NTM: variants seen among roughly 807,000 people sequenced by gnomAD.
NTM encodes IgLON family member 2.
In NTM, 13 loss-of-function variants were observed where a neutral mutation model predicts 42.1. The ratio of observed to expected loss-of-function variants is 0.31; its 90% CI spans 0.20 to 0.49. The LOEUF (loss-of-function observed/expected upper bound fraction) is 0.49. NTM is among the 20% of genes least tolerant of loss of function. The pLI is 0.99. For synonymous variants in NTM, 187 were observed against 179.2 expected (o/e 1.04, Z -0.35); for missense variants, 373 against 452.8 (o/e 0.82, Z 1.60).
At chr11:131,716,469 A>G (rs182780595) in intron 1 of NTM, among the ~76,000 whole-genome samples, 1 of 152,210 alleles carries the variant, frequency 6.6e-6, no homozygotes, top group East Asian at 1.9e-4. Flanking sequence ...TGGTTGTACC[A>G]TTTTTCATTC....
intron 1 of NTM, among the ~76,000 whole-genome samples, chr11:131,583,666 T>G (rs1592122044): frequency 6.6e-6 from 1 of 152,164 alleles, no homozygotes; most frequent in Admixed American, 6.5e-5. Context: ...ACACAGATGG[T>G]GACTCAAAGG....
intron 2 of NTM, among the ~76,000 whole-genome samples, chr11:131,931,730 G>T (rs905225347): frequency 1.3e-5 from 2 of 152,160 alleles, no homozygotes; most frequent in Non-Finnish European, 2.9e-5. Context: ...GGTCTAGAAG[G>T]CCACCTTGTA....
intron 1 of NTM, among the ~76,000 whole-genome samples, chr11:131,829,154 A>ATT (rs201977271): frequency 1.3e-5 from 2 of 151,794 alleles, no homozygotes; most frequent in African/African-American, 4.8e-5. Context: ...CAGAGAAAAC[A>ATT]TTTTTTCTGT....
At chr11:131,495,867 T>C (rs1955288806) in intron 1 of NTM, among the ~76,000 whole-genome samples, 1 of 152,204 alleles carries the variant, frequency 6.6e-6, no homozygotes, top group Non-Finnish European at 1.5e-5. Flanking sequence ...TACATTTGAC[T>C]TCATTGGTGG....
At chr11:131,723,368 G>C (rs75376890) in intron 1 of NTM, among the ~76,000 whole-genome samples, 231 of 152,374 alleles carry the variant, frequency 1.5e-3, no homozygotes, top group African/African-American at 5.3e-3. Context: ...CTCAAGCGAT[G>C]TAGATTACGC....
At chr11:132,167,721 G>T (rs963381978) in intron 3 of NTM, among the ~76,000 whole-genome samples, 1 of 152,166 alleles carries the variant, frequency 6.6e-6, no homozygotes, top group Non-Finnish European at 1.5e-5. Context: ...GTCATTCATA[G>T]TTCCAATGAC....
intron 1 of NTM, among the ~76,000 whole-genome samples, chr11:131,814,289 CT>C (rs1185700306): frequency 3.9e-5 from 6 of 152,160 alleles, no homozygotes; most frequent in African/African-American, 1.4e-4. Flanking sequence ...TGAAAACTTC[CT>C]GAATGCCTAG....
At chr11:132,149,683 G>A (rs1290795520) in intron 3 of NTM, among the ~76,000 whole-genome samples, 13 of 152,072 alleles carry the variant, frequency 8.5e-5, no homozygotes, top group East Asian at 1.9e-4. Flanking sequence ...GCAGACAGCC[G>A]TGAGGCCAAG....
At chr11:132,325,933 C>A (rs956207551) in intron 7 of NTM, among the ~76,000 whole-genome samples, 1 of 151,686 alleles carries the variant, frequency 6.6e-6, no homozygotes, top group African/African-American at 2.4e-5. Flanking sequence ...AACCAAACAC[C>A]GCGTGTTCTC....
intron 4 of NTM, among the ~76,000 whole-genome samples, chr11:132,242,695 C>T (rs1267662575): frequency 1.3e-5 from 2 of 152,194 alleles, no homozygotes; most frequent in Non-Finnish European, 2.9e-5. Context: ...GATCACTCCA[C>T]AAATTAAAAC....
At chr11:131,684,932 C>A (rs774242953) in intron 1 of NTM, among the ~76,000 whole-genome samples, 3 of 152,182 alleles carry the variant, frequency 2.0e-5, no homozygotes, top group Non-Finnish European at 4.4e-5. Flanking sequence ...GAGTGAGCCC[C>A]CACTAGGGTG....
intron 8 of NTM, among the ~76,000 whole-genome samples, chr11:132,331,002 A>T (rs2095792395): frequency 6.6e-6 from 1 of 152,214 alleles, no homozygotes; most frequent in Admixed American, 6.5e-5. Flanking sequence ...GAATCCTTCC[A>T]CATAGCATTC....
chr11:131,661,140 A>C, intron 1 of NTM: 1 of 863,814 alleles, frequency 1.2e-6, no homozygotes, highest in Non-Finnish European at 1.7e-6. Context: ...TCAGGACGGA[A>C]GGTCCAGGTG....
At chr11:131,547,333 G>T (rs1223953476) in intron 1 of NTM, among the ~76,000 whole-genome samples, 1 of 152,142 alleles carries the variant, frequency 6.6e-6, no homozygotes, top group Non-Finnish European at 1.5e-5. Context: ...AAGAGAAAAG[G>T]GGGTAGGAAA....
intron 1 of NTM, among the ~76,000 whole-genome samples, chr11:131,765,949 T>C (rs1379123161): frequency 6.6e-6 from 1 of 152,192 alleles, no homozygotes; most frequent in Non-Finnish European, 1.5e-5. Context: ...ATAATTTACA[T>C]TAAAATAACA....
intron 1 of NTM, among the ~76,000 whole-genome samples, chr11:131,873,626 TATATATATACACATATATATATACACAC>T (rs1565658019): frequency 1.2e-5 from 1 of 83,718 alleles, no homozygotes; most frequent in Non-Finnish European, 2.2e-5. Flanking sequence ...TATATATACA[TATATATATACACATATATATATACACAC>T]ATATATATAC....
At chr11:132,127,486 C>T (rs917605673) in intron 2 of NTM, among the ~76,000 whole-genome samples, 1 of 152,242 alleles carries the variant, frequency 6.6e-6, no homozygotes, top group Non-Finnish European at 1.5e-5. Flanking sequence ...CACAGGTCCC[C>T]TGTGACATCC....
intron 5 of NTM, among the ~76,000 whole-genome samples, chr11:132,309,717 A>G (rs2095219322): frequency 6.6e-6 from 1 of 152,192 alleles, no homozygotes; most frequent in African/African-American, 2.4e-5. Context: ...AAGCAGAGCC[A>G]GGGCAGAGAC....
chr11:131,920,578 T>C (rs1289443848), intron 2 of NTM, among the ~76,000 whole-genome samples: 1 of 152,230 alleles, frequency 6.6e-6, no homozygotes, highest in African/African-American at 2.4e-5. Context: ...TGATCTGTTT[T>C]TCTTAAATCT....
Sources: gnomAD v4.1 joint callset for allele counts (sites outside exome capture counted in the v4.1 genomes callset) on GRCh38, gnomAD v4.1.1 for gene constraint, MANE v1.5 for transcripts, NCBI Gene and HGNC (gene_info 2026-07-23, HGNC 2026-07-21) for gene names.